Variants in BMPER observed in about 807,000 individuals in gnomAD.
The protein encoded by BMPER is BMP binding endothelial regulator.
A neutral mutation model predicts 87.3 loss-of-function variants in BMPER; 45 were observed. The ratio of observed to expected loss-of-function variants is 0.52; its 90% CI spans 0.41 to 0.66. The LOEUF (loss-of-function observed/expected upper bound fraction) is 0.66, where lower values mean the gene tolerates loss of function less well. Ranked by LOEUF, BMPER falls within the 30% of genes least tolerant of loss-of-function variation. The pLI, the probability that BMPER is intolerant of heterozygous loss-of-function variation, is 0.00. For synonymous variants in BMPER, 326 were observed against 316.2 expected (o/e 1.03, Z -0.33); for missense variants, 784 against 867.5 (o/e 0.90, Z 1.21).
intron 3 of BMPER, among the ~76,000 whole-genome samples, chr7:33,950,534 G>A (rs1191853047): frequency 6.6e-6 from 1 of 152,156 alleles, no homozygotes; most frequent in Non-Finnish European, 1.5e-5. Context: ...CCTCTTCTAA[G>A]CTCACGTGGC....
chr7:34,102,023 C>T (rs1789694023), intron 13 of BMPER, among the ~76,000 whole-genome samples: 1 of 152,198 alleles, frequency 6.6e-6, no homozygotes, highest in African/African-American at 2.4e-5. Context: ...AAAGTTGTAA[C>T]ACATTTCATT....
intron 13 of BMPER, among the ~76,000 whole-genome samples, chr7:34,090,807 T>C (rs1350156206): frequency 6.6e-6 from 1 of 152,136 alleles, no homozygotes; most frequent in Non-Finnish European, 1.5e-5. Flanking sequence ...AGCCCAGACA[T>C]TTAGAGACCA....
At chr7:34,124,617 A>G (rs1166863616) in intron 13 of BMPER, among the ~76,000 whole-genome samples, 1 of 152,124 alleles carries the variant, frequency 6.6e-6, no homozygotes, top group Non-Finnish European at 1.5e-5. Flanking sequence ...AGCAAGTAAA[A>G]TTGTGTCCTT....
At chr7:33,996,635 C>G (rs1786419673) in intron 6 of BMPER, among the ~76,000 whole-genome samples, 1 of 152,194 alleles carries the variant, frequency 6.6e-6, no homozygotes, top group Non-Finnish European at 1.5e-5. Flanking sequence ...ATATTCTAAT[C>G]TTGCACTGTC....
At chr7:34,089,472 G>GTTAAT (rs1789317642) in intron 13 of BMPER, among the ~76,000 whole-genome samples, 1 of 152,050 alleles carries the variant, frequency 6.6e-6, no homozygotes, top group East Asian at 1.9e-4. Context: ...GATGTCTATG[G>GTTAAT]TTTATTTTAT....
chr7:33,984,569 T>C (rs1399073177), intron 6 of BMPER, among the ~76,000 whole-genome samples: 1 of 152,078 alleles, frequency 6.6e-6, no homozygotes, highest in Non-Finnish European at 1.5e-5. Context: ...TATGGAGGAG[T>C]TGGGTTCACC....
intron 6 of BMPER, among the ~76,000 whole-genome samples, chr7:34,040,966 G>C (rs577108985): frequency 6.6e-6 from 1 of 152,154 alleles, no homozygotes; most frequent in Non-Finnish European, 1.5e-5. Context: ...AAGCCATTTT[G>C]ATAAAAAGCA....
Position 33,942,409 on chromosome 7 carries a change from AG to A in BMPER, c.319+5022del, listed in dbSNP as rs35547505. ...GAAAAATGGTGACACTGAGAGCCTT[AG>A]TGACTTTCCCAATATCACAGAGCTA... is the stretch of plus-strand genomic sequence containing the variant. On this transcript the variant is annotated intron_variant, in intron 3 of 14. Coordinates refer to ENST00000649409, the MANE Select transcript of BMPER (RefSeq NM_001365308.1). Among the ~76,000 whole-genome samples, 1,778 of 152,306 alleles carry A rather than the reference AG, an allele frequency of 0.012. 70 individuals carry two copies. In the East Asian group the frequency reaches 0.13, roughly 12 times the overall value.
intron 6 of BMPER, among the ~76,000 whole-genome samples, chr7:33,980,075 T>C (rs1442046846): frequency 6.6e-6 from 1 of 152,214 alleles, no homozygotes; most frequent in Non-Finnish European, 1.5e-5. Context: ...TTTGCTCTTA[T>C]CCATTCCAGA....
intron 14 of BMPER, among the ~76,000 whole-genome samples, chr7:34,147,461 C>G (rs1178240279): frequency 6.6e-6 from 1 of 151,910 alleles, no homozygotes; most frequent in Non-Finnish European, 1.5e-5. Flanking sequence ...TTGGCAGATC[C>G]CTGTTTTTTT....
chr7:34,145,973 A>T (rs1343473644), intron 14 of BMPER, among the ~76,000 whole-genome samples: 1 of 152,060 alleles, frequency 6.6e-6, no homozygotes, highest in African/African-American at 2.4e-5. Context: ...GTGAAGTATA[A>T]CTCCATCAAA....
intron 13 of BMPER, among the ~76,000 whole-genome samples, chr7:34,092,545 G>A (rs571795986): frequency 2.0e-5 from 3 of 152,270 alleles, no homozygotes; most frequent in South Asian, 4.1e-4. Context: ...CCTAATAGTC[G>A]CATCCCTTTT....
intron 6 of BMPER, among the ~76,000 whole-genome samples, chr7:34,001,605 A>G (rs2127935345): frequency 6.8e-6 from 1 of 147,744 alleles, no homozygotes. Context: ...TGGTTTATCA[A>G]TTTTGTTGAA....
chr7:34,051,426 G>C (rs1788143431), intron 7 of BMPER, among the ~76,000 whole-genome samples: 1 of 152,112 alleles, frequency 6.6e-6, no homozygotes, highest in African/African-American at 2.4e-5. Context: ...TCTTTAAGAA[G>C]CTCCTCAGGC....
At chr7:34,093,796 A>G (rs1008079364) in intron 13 of BMPER, among the ~76,000 whole-genome samples, 39 of 152,184 alleles carry the variant, frequency 2.6e-4, no homozygotes, top group Admixed American at 2.4e-3. Context: ...AGCAGGTAAA[A>G]CACTAATTAT....
intron 2 of BMPER, among the ~76,000 whole-genome samples, chr7:33,910,037 A>G (rs988544247): frequency 6.6e-6 from 1 of 152,154 alleles, no homozygotes; most frequent in African/African-American, 2.4e-5. Flanking sequence ...CTGGTGATGG[A>G]ATCTCGTTTT....
chr7:34,038,539 G>T (rs1345621445), intron 6 of BMPER, among the ~76,000 whole-genome samples: 1 of 152,122 alleles, frequency 6.6e-6, no homozygotes, highest in East Asian at 1.9e-4. Flanking sequence ...AGCAGCAATA[G>T]AAAACTTAAT....
At chr7:34,067,574 C>T (rs529853761) in intron 11 of BMPER, among the ~76,000 whole-genome samples, 3 of 152,048 alleles carry the variant, frequency 2.0e-5, no homozygotes, top group East Asian at 1.9e-4. Flanking sequence ...CAAGGAAATT[C>T]GAAACCAGAG....
chr7:34,017,015 G>A (rs1787044475), intron 6 of BMPER, among the ~76,000 whole-genome samples: 1 of 151,812 alleles, frequency 6.6e-6, no homozygotes, highest in Non-Finnish European at 1.5e-5. Flanking sequence ...GGTGAAGCAT[G>A]GCCTCTTTAG....
Sources: gnomAD v4.1 joint callset for allele counts (sites outside exome capture counted in the v4.1 genomes callset) on GRCh38, gnomAD v4.1.1 for gene constraint, MANE v1.5 for transcripts, NCBI Gene and HGNC (gene_info 2026-07-23, HGNC 2026-07-21) for gene names.